Variants in USP40 observed in about 807,000 individuals in gnomAD.
The protein encoded by USP40 is ubiquitin specific peptidase 40, also known as ubiquitin carboxyl-terminal hydrolase 40.
A neutral mutation model predicts 166.2 loss-of-function variants in USP40; 143 were observed. The observed-to-expected ratio is 0.86, with a 90% CI of 0.75 to 0.99. The LOEUF is 0.99. Ranked by LOEUF, USP40 falls within the 50% of genes least tolerant of loss-of-function variation. The probability of loss-of-function intolerance (pLI) is 0.00; values close to 1 mark genes in which losing one functional copy is unlikely to be tolerated. For missense variants in USP40, 1,444 were observed against 1,479.7 expected (o/e 0.98, Z 0.40); for synonymous variants, 498 against 524.0 (o/e 0.95, Z 0.68).
At chr2:233,557,586 A>G (rs371690551) in intron 4 of USP40, among the ~76,000 whole-genome samples, 3 of 152,120 alleles carry the variant, frequency 2.0e-5, no homozygotes, top group East Asian at 1.9e-4. Flanking sequence ...TAACCAAACC[A>G]AGGGGCACAC....
rs1296768080 is a variant in USP40, at chr2:233,524,564, T to C, written c.1811-2A>G. 1.3e-6 allele frequency: 2 copies of C among 1,591,622 alleles called. No homozygotes were observed. The highest frequency in any genetic ancestry group is 8.5e-7 in the Non-Finnish European group (1 of 1,169,592). On this transcript the variant is annotated splice_acceptor_variant, in intron 14 of 31. Coordinates refer to ENST00000678225, the MANE Select transcript of USP40 (RefSeq NM_001365479.2). LOFTEE classifies it high-confidence loss of function. ...TTTCACACAGTGTCAGTTCATCCCC[T>C]AGAAAGAGATCACCAGTGAGACCAT...
chr2:233,478,388 G>A (rs1490005465), intron 31 of USP40, among the ~76,000 whole-genome samples: 1 of 152,186 alleles, frequency 6.6e-6, no homozygotes, highest in Non-Finnish European at 1.5e-5. Context: ...CACTGTCTCG[G>A]AGTAGCTTGA....
At chr2:233,513,996 T>C (rs892925995) in intron 18 of USP40, among the ~76,000 whole-genome samples, 2 of 152,206 alleles carry the variant, frequency 1.3e-5, no homozygotes, top group South Asian at 2.1e-4. Flanking sequence ...GAGGCTAGCA[T>C]ACAATTCTCA....
rs372952253 is a variant in USP40 at position 233,558,825 on chromosome 2, C to T, written c.381+986G>A. On this transcript the variant is annotated intron_variant, in intron 4 of 31. Transcript: ENST00000678225. The stretch of plus-strand genomic sequence containing the variant: ...TTGTTTTTGTTGTTAATCGGATTAA[C>T]GCCAAATACCAGCCCTACACCAGAA... 8.5e-5 allele frequency among the ~76,000 whole-genome samples: 13 copies of T among 152,100 alleles called. No homozygotes were observed. In the East Asian group the frequency reaches 2.3e-3, roughly 27 times the overall value.
rs1050537573 is a variant in USP40 at position 233,480,493 on chromosome 2, C to T, written c.3599+710G>A. Among the ~76,000 whole-genome samples, 5 of 152,198 alleles carry T rather than the reference C, an allele frequency of 3.3e-5. No homozygotes were observed. Among genetic ancestry groups the T allele is most frequent in the Admixed American group, 1.3e-4 (2 of 15,288 alleles). On this transcript the variant is annotated intron_variant, in intron 31 of 31. Coordinates refer to ENST00000678225, the MANE Select transcript of USP40 (RefSeq NM_001365479.2). The surrounding 1 kb of genome is among the most constrained non-coding windows in gnomAD (Gnocchi z 4.5). ...GCGAACTGAGCCTCACGCCCCAGTT[C>T]CGGGTGTGTGGCCTGGAGGCCTGAA...
chr2:233,517,682 C>T (rs1298306490), intron 18 of USP40, among the ~76,000 whole-genome samples: 1 of 151,980 alleles, frequency 6.6e-6, no homozygotes. Context: ...CCACTGTGCC[C>T]GGCCTGCACA....
intron 3 of USP40, 77 bp from the exon 4 acceptor site, chr2:233,560,001 GC>G: frequency 1.1e-6 from 1 of 940,938 alleles, no homozygotes; most frequent in Non-Finnish European, 1.6e-6. Flanking sequence ...CTGCATACTA[GC>G]TTTTTTATAT....
chr2:233,494,294 A>ATTTT (rs1417842361), intron 24 of USP40, among the ~76,000 whole-genome samples: 7 of 152,024 alleles, frequency 4.6e-5, no homozygotes, highest in Non-Finnish European at 8.8e-5. Flanking sequence ...CACCTAGCAG[A>ATTTT]CTGTCAAAAA....
intron 13 of USP40, among the ~76,000 whole-genome samples, 183 bp downstream of exon 13, chr2:233,527,224 G>A (rs1165270395): frequency 2.6e-5 from 4 of 152,128 alleles, no homozygotes; most frequent in African/African-American, 7.2e-5. Flanking sequence ...AGGAGCTGTG[G>A]AGAAAAGCCT....
Position 233,542,342 on chromosome 2 carries a change from C to T in USP40, c.988G>A (p.Val330Met), listed in dbSNP as rs900511222. The change falls in exon 9 of 32, where the codon GTG becomes ATG. Residue 330 changes from valine (V) to methionine (M), a missense_variant. Coordinates refer to ENST00000678225, the MANE Select transcript of USP40 (RefSeq NM_001365479.2). ...TCACTCTGGAGATCTTTCAGATTCACATCTGGTTTACTTTTTTCCTCCTAG... is the reference window on the plus strand; with the variant it reads ...TCACTCTGGAGATCTTTCAGATTCATATCTGGTTTACTTTTTTCCTCCTAG... ...QFQEEKSKPD[V>M]NLKDLQSEEE... The T allele has an allele frequency of 2.6e-6, 4 of 1,555,806 alleles. No individual in the cohort carries two copies. The African/African-American group carries it at 5.4e-5, about 21-fold the overall frequency.
Position 233,509,297 on chromosome 2 carries a change from T to G in USP40, c.2613+752A>C, listed in dbSNP as rs150036288. ...TATTTGTCTCTCTGTTTTCCAATAC[T>G]AAAGGTCTCAGTTCTCAATAACAGC... On this transcript the variant is annotated intron_variant, in intron 21 of 31. Transcript: ENST00000678225. 5.7e-3 allele frequency among the ~76,000 whole-genome samples: 872 copies of G among 152,300 alleles called. 10 individuals carry two copies. Among genetic ancestry groups the G allele is most frequent in the African/African-American group, 0.02 (816 of 41,570 alleles).
Position 233,559,846 on chromosome 2 carries a change from C to A in USP40, c.346G>T (p.Asp116Tyr), listed in dbSNP as rs1236342942. 1 of 1,610,306 alleles carries A rather than the reference C, an allele frequency of 6.2e-7. No homozygotes were observed. The highest frequency in any genetic ancestry group is 1.1e-5 in the South Asian group (1 of 89,722). The change falls in exon 4 of 32, where the codon GAC (aspartate) becomes TAC (tyrosine). Residue 116 changes from aspartate (D) to tyrosine (Y), a missense_variant. By Grantham distance (160) the Asp-to-Tyr change is radical. Coordinates refer to ENST00000678225, the MANE Select transcript of USP40 (RefSeq NM_001365479.2). ...GTCCACCCAAAGCTGTCAGTGAGGT[C>A]TGCTGTGGATGCAGCTTCCTGGTCT... The part of the protein sequence containing the change: ...LLDQEAASTA[D>Y]LTDSFGWTSN...
chr2:233,499,654 T>C (rs1299954568), intron 22 of USP40, among the ~76,000 whole-genome samples: 1 of 152,180 alleles, frequency 6.6e-6, no homozygotes, highest in Non-Finnish European at 1.5e-5. Flanking sequence ...CTTTGTACCT[T>C]TGCTGGATCC....
Position 233,476,562 on chromosome 2 carries a change from G to C in USP40, c.*830C>G, listed in dbSNP as rs1350048249. ...GCTGCCCAGGACACCTGGAACCTGG[G>C]CTATGCCAGGCCTGTCTGCCACAGC... is the stretch of plus-strand genomic sequence containing the variant. On this transcript the variant is annotated 3_prime_UTR_variant, in exon 32 of 32. Coordinates refer to ENST00000678225, the MANE Select transcript of USP40 (RefSeq NM_001365479.2). 6.6e-6 allele frequency: 1 copy of C among 152,344 alleles called. No homozygotes were observed. The highest frequency in any genetic ancestry group is 2.4e-5 in the African/African-American group (1 of 41,454). 9.4% of individuals were successfully genotyped at this position (152,344 alleles called of 1,614,324 possible).
At chr2:233,553,019 T>C (rs2070723570) in intron 6 of USP40, among the ~76,000 whole-genome samples, 1 of 152,112 alleles carries the variant, frequency 6.6e-6, no homozygotes, top group Non-Finnish European at 1.5e-5. Context: ...AGTGGGAACG[T>C]CACCACTGCA....
At chr2:233,543,150 C>T (rs2069581429) in intron 8 of USP40, among the ~76,000 whole-genome samples, 1 of 152,156 alleles carries the variant, frequency 6.6e-6, no homozygotes, top group South Asian at 2.1e-4. Context: ...TTTTCATTGC[C>T]TTTTATTTCC....
chr2:233,515,256 T>C (rs551121118), intron 18 of USP40, among the ~76,000 whole-genome samples: 3 of 152,208 alleles, frequency 2.0e-5, no homozygotes, highest in Admixed American at 1.3e-4. Context: ...TACCTAGACG[T>C]AGAATTGGTA....
chr2:233,479,628 C>T (rs1463901295), intron 31 of USP40, among the ~76,000 whole-genome samples: 12 of 145,500 alleles, frequency 8.2e-5, no homozygotes, highest in African/African-American at 2.5e-4. Flanking sequence ...TAGAATTTTA[C>T]GTGTGTGTGT....
chr2:233,476,975 C>G lies in USP40; in HGVS notation c.*417G>C, dbSNP rs1208033035. On this transcript the variant is annotated 3_prime_UTR_variant, in exon 32 of 32. Transcript: ENST00000678225. ...AGACACTGTGAGAAGCCGGTCAGGG[C>G]GAACGAGAGTCATCTGAACACGGAG... 1 of 317,954 alleles carries G rather than the reference C, an allele frequency of 3.1e-6. No individual in the cohort carries two copies. The highest frequency in any genetic ancestry group is 2.2e-5 in the African/African-American group (1 of 45,738). 19.7% of individuals were successfully genotyped at this position (317,954 alleles called of 1,614,324 possible).
Sources: allele counts gnomAD v4.1 joint callset (sites outside exome capture counted in the v4.1 genomes callset), GRCh38; gene constraint gnomAD v4.1.1; non-coding constraint Gnocchi (gnomAD v3.1); transcripts MANE v1.5; gene names NCBI Gene and HGNC (gene_info 2026-07-23, HGNC 2026-07-21).